Variants in ARID5B observed in about 807,000 individuals in gnomAD.
The protein encoded by ARID5B is AT-rich interaction domain 5B, also known as AT-rich interactive domain-containing protein 5B.
Under a neutral mutation model 97.2 loss-of-function variants are expected in ARID5B, and 13 were observed. The observed-to-expected ratio is 0.13, with a 90% CI of 0.09 to 0.21. The LOEUF is 0.21. Among genes scored for constraint, ARID5B ranks in the 10% least tolerant of loss-of-function variants. ARID5B has a pLI of 1.00. For missense variants in ARID5B, 1,210 were observed against 1,465.3 expected (o/e 0.83, Z 2.84); for synonymous variants, 556 against 570.3 (o/e 0.97, Z 0.36).
chr10:62,084,389 T>C (rs771485804), intron 8 of ARID5B, among the ~76,000 whole-genome samples: 2 of 152,226 alleles, frequency 1.3e-5, no homozygotes, highest in African/African-American at 2.4e-5. Flanking sequence ...AATTTTAGGA[T>C]AGCAAACCAA....
intron 2 of ARID5B, among the ~76,000 whole-genome samples, chr10:61,907,366 G>T (rs1419603196): frequency 6.6e-6 from 1 of 152,056 alleles, no homozygotes; most frequent in Non-Finnish European, 1.5e-5. Context: ...ATATCCATAA[G>T]GTAATTTTTT....
intron 2 of ARID5B, among the ~76,000 whole-genome samples, chr10:61,930,953 A>G (rs868403188): frequency 6.6e-6 from 1 of 152,156 alleles, no homozygotes; most frequent in Non-Finnish European, 1.5e-5. Context: ...GGCTTCTGCC[A>G]ACATCCATGA....
intron 8 of ARID5B, among the ~76,000 whole-genome samples, chr10:62,080,891 C>T (rs906137390): frequency 6.6e-6 from 1 of 151,736 alleles, no homozygotes; most frequent in Admixed American, 6.6e-5. Context: ...GGCATGATCT[C>T]GGCTCACTTC....
intron 7 of ARID5B, 52 bp downstream of exon 7, chr10:62,059,347 C>T (rs1364994180): frequency 3.4e-6 from 5 of 1,482,374 alleles, no homozygotes; most frequent in South Asian, 2.3e-5. Flanking sequence ...AACTTTTCCC[C>T]TCTCTTTGAC....
rs546061663 is a variant in ARID5B at position 61,960,032 on chromosome 10, G to A, written c.502+19624G>A. Among the ~76,000 whole-genome samples, 8 of 152,314 alleles carry A rather than the reference G, an allele frequency of 5.3e-5. 1 individual carries two copies. The East Asian group carries it at 1.5e-3, about 29-fold the overall frequency. ...TTTAAGAACACAGAACCATTATGCT[G>A]TGAAGAAGGAAAACAAGGATGATGT... is the stretch of plus-strand genomic sequence containing the variant. On this transcript the variant is annotated intron_variant, in intron 3 of 9. Coordinates refer to ENST00000279873, the MANE Select transcript of ARID5B (RefSeq NM_032199.3).
rs768844595 is a variant in ARID5B at position 62,000,197 on chromosome 10, G to A, written c.609G>A (p.Thr203=). 3 of 1,613,870 alleles carry A rather than the reference G, an allele frequency of 1.9e-6. No homozygotes were observed. The highest frequency in any genetic ancestry group is 4.5e-5 in the East Asian group (2 of 44,872). ...RIQDKPSSIL[T]DQFALALGGI... ...AGGATAAGCCATCTTCCATTCTAAC[G>A]GACCAGTTTGCATTGGCCCTGGGGG... is the stretch of plus-strand genomic sequence containing the variant. The change falls in exon 4 of 10, where the codon ACG becomes ACA. Residue 203 remains threonine, a synonymous_variant. Coordinates refer to ENST00000279873, the MANE Select transcript of ARID5B (RefSeq NM_032199.3). This position sits in a 1 kb window ranked among gnomAD's most constrained non-coding sequence, Gnocchi z 4.4.
intron 4 of ARID5B, among the ~76,000 whole-genome samples, chr10:62,013,794 GTATATATATA>G (rs60930079): frequency 7.2e-6 from 1 of 138,938 alleles, no homozygotes; most frequent in Non-Finnish European, 1.5e-5. Context: ...ATTCCATTGG[GTATATATATA>G]TATATATATA....
intron 4 of ARID5B, among the ~76,000 whole-genome samples, chr10:62,023,493 A>G (rs575842176): frequency 4.6e-5 from 7 of 152,360 alleles, no homozygotes; most frequent in Non-Finnish European, 7.3e-5. Context: ...ATTTTGAGTC[A>G]TATTCTTGTA....
Position 62,092,487 on chromosome 10 carries a change from G to C in ARID5B, c.3024G>C (p.Ala1008=), listed in dbSNP as rs771273560. 2 of 1,614,126 alleles carry C rather than the reference G, an allele frequency of 1.2e-6. No individual in the cohort carries two copies. Among genetic ancestry groups the C allele is most frequent in the Non-Finnish European group, 1.7e-6 (2 of 1,180,008 alleles). Residue 1008 remains alanine, a synonymous_variant, in exon 10 of 10, where the codon GCG becomes GCC. Coordinates refer to ENST00000279873, the MANE Select transcript of ARID5B (RefSeq NM_032199.3). ...HRKMSPQNIG[A]ARPIKRSLED... ...AAATGAGCCCGCAGAACATTGGGGC[G>C]GCGCGGCCGATCAAGCGCAGCCTGG...
At chr10:62,023,267 G>A (rs1839378833) in intron 4 of ARID5B, among the ~76,000 whole-genome samples, 1 of 152,178 alleles carries the variant, frequency 6.6e-6, no homozygotes, top group Non-Finnish European at 1.5e-5. Context: ...GACTTCTTGT[G>A]CATTTGCTCC....
At chr10:62,086,605 G>T (rs956874136) in intron 9 of ARID5B, among the ~76,000 whole-genome samples, 3 of 150,430 alleles carry the variant, frequency 2.0e-5, no homozygotes, top group Non-Finnish European at 3.0e-5. Context: ...GGAGGCCAAG[G>T]CAGGAGAATG....
chr10:62,081,961 A>G (rs1840218974), intron 8 of ARID5B, among the ~76,000 whole-genome samples: 1 of 152,098 alleles, frequency 6.6e-6, no homozygotes, highest in Non-Finnish European at 1.5e-5. Context: ...TTATAATGCT[A>G]TTGACTTGTT....
In ARID5B at chr10:62,095,668, TGAACAGAGATCTTGGAA is replaced by T. The variant is rs1234883669; in HGVS notation, c.*2639_*2655del. 8.6e-6 allele frequency: 2 copies of T among 232,994 alleles called. No individual in the cohort carries two copies. The highest frequency in any genetic ancestry group is 1.2e-3 in the Middle Eastern group (1 of 808). The allele number at this position is 232,994 out of a possible 1,614,324, so 14.4% of individuals were successfully genotyped here. ...CAGTGTGTTATTTGTTTTAAAACTC[TGAACAGAGATCTTGGAA>T]ATCTTTCAAAAAGACCATTGAATTC... is the stretch of plus-strand genomic sequence containing the variant. On this transcript the variant is annotated 3_prime_UTR_variant, in exon 10 of 10. Coordinates refer to ENST00000279873, the MANE Select transcript of ARID5B (RefSeq NM_032199.3).
At chr10:61,923,393 T>A (rs1264900878) in intron 2 of ARID5B, among the ~76,000 whole-genome samples, 1 of 152,212 alleles carries the variant, frequency 6.6e-6, no homozygotes, top group Non-Finnish European at 1.5e-5. Flanking sequence ...AGATTTTGTT[T>A]ACTATCTGGC....
intron 4 of ARID5B, among the ~76,000 whole-genome samples, chr10:62,015,036 C>G (rs991219651): frequency 2.6e-5 from 4 of 152,152 alleles, no homozygotes; most frequent in Admixed American, 2.0e-4. Context: ...TAGAACAACT[C>G]ATTTCCTTAG....
At chr10:62,040,213 A>G (rs1024002567) in intron 4 of ARID5B, among the ~76,000 whole-genome samples, 6 of 152,192 alleles carry the variant, frequency 3.9e-5, no homozygotes, top group Admixed American at 2.0e-4. Context: ...CATCTTAGTT[A>G]AGAAAGTTAA....
chr10:62,059,379 GC>G, intron 7 of ARID5B, 84 bp downstream of exon 7: 1 of 1,135,776 alleles, frequency 8.8e-7, no homozygotes, highest in East Asian at 2.4e-5. Flanking sequence ...ACATGCAAGG[GC>G]AAAACATCAC....
intron 4 of ARID5B, among the ~76,000 whole-genome samples, chr10:62,028,739 T>A (rs1839454802): frequency 1.3e-5 from 2 of 152,098 alleles, no homozygotes; most frequent in Admixed American, 1.3e-4. Context: ...GGCGGATGGA[T>A]CACTTAAGGT....
chr10:62,003,123 T>A lies in ARID5B; in HGVS notation c.733+2802T>A, dbSNP rs57603607. ...TTTTATTAACTAATATACTTTTTGC[T>A]TTCTTCTATTAAATGCGATTATGGA... On this transcript the variant is annotated intron_variant, in intron 4 of 9. Coordinates refer to ENST00000279873, the MANE Select transcript of ARID5B (RefSeq NM_032199.3). 3.9e-3 allele frequency among the ~76,000 whole-genome samples: 596 copies of A among 152,354 alleles called. 4 individuals are homozygous for A. Among genetic ancestry groups the A allele is most frequent in the African/African-American group, 0.014 (566 of 41,578 alleles).
Sources: allele counts gnomAD v4.1 joint callset (sites outside exome capture counted in the v4.1 genomes callset), GRCh38; gene constraint gnomAD v4.1.1; non-coding constraint Gnocchi (gnomAD v3.1); transcripts MANE v1.5; gene names NCBI Gene and HGNC (gene_info 2026-07-23, HGNC 2026-07-21).